Variants in VEGFC observed in about 807,000 individuals in gnomAD.
The protein encoded by VEGFC is vascular endothelial growth factor C.
A neutral mutation model predicts 46.1 loss-of-function variants in VEGFC; 12 were observed. That is an observed-to-expected ratio of 0.26 (90% confidence interval 0.17 to 0.42). The LOEUF (loss-of-function observed/expected upper bound fraction) is 0.42, where lower values mean the gene tolerates loss of function less well. Ranked by LOEUF, VEGFC falls within the 10% of genes least tolerant of loss-of-function variation. VEGFC has a pLI of 1.00. For missense variants in VEGFC, 488 were observed against 529.4 expected (o/e 0.92, Z 0.77); for synonymous variants, 232 against 195.5 (o/e 1.19, Z -1.56).
intron 6 of VEGFC, among the ~76,000 whole-genome samples, chr4:176,686,364 A>T (rs1734041755): frequency 6.6e-6 from 1 of 152,222 alleles, no homozygotes; most frequent in Non-Finnish European, 1.5e-5. Context: ...GCAGCTTTGA[A>T]GAGAACAGAC....
intron 4 of VEGFC, among the ~76,000 whole-genome samples, chr4:176,703,148 A>C (rs1173718399): frequency 6.6e-6 from 1 of 152,122 alleles, no homozygotes; most frequent in Non-Finnish European, 1.5e-5. Context: ...AAATACAAAA[A>C]AATAGTTGTT....
intron 1 of VEGFC, among the ~76,000 whole-genome samples, 179 bp from the exon 2 acceptor site, chr4:176,729,925 T>A (rs1020037818): frequency 7.2e-5 from 11 of 152,200 alleles, no homozygotes; most frequent in Admixed American, 5.2e-4. Flanking sequence ...TTAATTTGTA[T>A]GAACCAAAAC....
At chr4:176,759,580 G>C (rs1328969139) in intron 1 of VEGFC, among the ~76,000 whole-genome samples, 1 of 152,044 alleles carries the variant, frequency 6.6e-6, no homozygotes, top group Non-Finnish European at 1.5e-5. Context: ...AATAATAATA[G>C]AGTAGATTTC....
chr4:176,697,238 G>A (rs1231568693), intron 4 of VEGFC, among the ~76,000 whole-genome samples: 2 of 149,390 alleles, frequency 1.3e-5, no homozygotes, highest in Non-Finnish European at 3.0e-5. Flanking sequence ...CTACTCATCT[G>A]ACAAAGGGCT....
At chr4:176,772,057 A>G (rs1735733273) in intron 1 of VEGFC, among the ~76,000 whole-genome samples, 2 of 152,222 alleles carry the variant, frequency 1.3e-5, no homozygotes, top group Admixed American at 1.3e-4. Context: ...CGGTTTACAC[A>G]TTAAGAAACG....
chr4:176,737,967 A>G (rs540415112), intron 1 of VEGFC, among the ~76,000 whole-genome samples: 3 of 151,996 alleles, frequency 2.0e-5, no homozygotes, highest in Admixed American at 1.3e-4. Flanking sequence ...TGTCCTCTTG[A>G]AAGAATAAGA....
intron 4 of VEGFC, among the ~76,000 whole-genome samples, chr4:176,705,289 A>G (rs1734513791): frequency 6.6e-6 from 1 of 152,166 alleles, no homozygotes; most frequent in South Asian, 2.1e-4. Context: ...GAAAGTCTCT[A>G]CTAAAGGGCC....
chr4:176,685,337 T>C (rs1734020373), intron 6 of VEGFC, among the ~76,000 whole-genome samples: 1 of 152,188 alleles, frequency 6.6e-6, no homozygotes, highest in African/African-American at 2.4e-5. Flanking sequence ...AAAGAATATA[T>C]ACTCTGCCTA....
At chr4:176,711,419 ATTTG>A (rs751935960) in intron 4 of VEGFC, 76 bp downstream of exon 4, 18 of 1,454,174 alleles carry the variant, frequency 1.2e-5, no homozygotes, top group Middle Eastern at 1.8e-4. Context: ...CACAGAGGTT[ATTTG>A]TTTAACTTAT....
At chr4:176,727,218 A>G (rs1320843450) in intron 3 of VEGFC, among the ~76,000 whole-genome samples, 1 of 152,238 alleles carries the variant, frequency 6.6e-6, no homozygotes, top group Admixed American at 6.5e-5. Flanking sequence ...CTTACCATTT[A>G]ATGAGATAAA....
At chr4:176,742,804 T>A (rs1019288582) in intron 1 of VEGFC, among the ~76,000 whole-genome samples, 1 of 152,018 alleles carries the variant, frequency 6.6e-6, no homozygotes, top group Non-Finnish European at 1.5e-5. Context: ...AATTCCCCCA[T>A]GATTGTTGGT....
Position 176,729,623 on chromosome 4 carries a change from G to A in VEGFC, c.271C>T (p.Gln91Ter). ...YKCQLRKGGW[Q>*]HNREQANLNS... The stretch of plus-strand genomic sequence containing the variant: ...AGGTTGGCCTGTTCTCTGTTATGTT[G>A]CCAGCCTCCTTTCCTTAGCTGACAC... Residue 91 changes from glutamine (Q) to a stop codon, truncating the protein, a stop_gained, in exon 2 of 7, where the codon CAA (glutamine) becomes TAA (stop). Transcript: ENST00000618562. LOFTEE classifies it high-confidence loss of function. 1 of 1,613,702 alleles carries A rather than the reference G, an allele frequency of 6.2e-7. No homozygotes were observed. The highest frequency in any genetic ancestry group is 1.7e-5 in the Admixed American group (1 of 59,960).
chr4:176,714,434 C>G (rs1429759101), intron 3 of VEGFC, among the ~76,000 whole-genome samples: 2 of 152,122 alleles, frequency 1.3e-5, no homozygotes, highest in Non-Finnish European at 2.9e-5. Flanking sequence ...CCTGCAGAAC[C>G]ATAAGCCAAT....
intron 3 of VEGFC, among the ~76,000 whole-genome samples, chr4:176,718,695 C>T (rs1260526656): frequency 1.3e-5 from 2 of 152,084 alleles, no homozygotes; most frequent in African/African-American, 4.8e-5. Context: ...CTTCTAGTTC[C>T]TTGAGCTTGA....
intron 3 of VEGFC, among the ~76,000 whole-genome samples, chr4:176,726,416 A>AC (rs1734873890): frequency 6.6e-6 from 1 of 151,740 alleles, no homozygotes; most frequent in East Asian, 1.9e-4. Flanking sequence ...TCACCTTTTA[A>AC]TTTTTTTTAA....
chr4:176,753,933 C>A (rs957309954), intron 1 of VEGFC, among the ~76,000 whole-genome samples: 15 of 152,072 alleles, frequency 9.9e-5, no homozygotes, highest in African/African-American at 3.6e-4. Context: ...ATTGCATGTA[C>A]TATGTTGCAG....
At chr4:176,715,911 T>G (rs1007258308) in intron 3 of VEGFC, among the ~76,000 whole-genome samples, 7 of 152,132 alleles carry the variant, frequency 4.6e-5, no homozygotes, top group African/African-American at 1.2e-4. Context: ...TACTTAGTCT[T>G]GAGAAACAGA....
intron 1 of VEGFC, among the ~76,000 whole-genome samples, chr4:176,751,517 A>C (rs1579122660): frequency 6.6e-6 from 1 of 152,136 alleles, no homozygotes; most frequent in East Asian, 1.9e-4. Flanking sequence ...GCAGCAGCAA[A>C]ATGTTTGAAG....
At chr4:176,752,287 G>A (rs180689272) in intron 1 of VEGFC, among the ~76,000 whole-genome samples, 7 of 152,058 alleles carry the variant, frequency 4.6e-5, no homozygotes, top group Middle Eastern at 3.4e-3. Flanking sequence ...GAAACAGAGG[G>A]CACAATTTAT....
Sources: allele counts gnomAD v4.1 joint callset (sites outside exome capture counted in the v4.1 genomes callset), GRCh38; gene constraint gnomAD v4.1.1; transcripts MANE v1.5; gene names NCBI Gene and HGNC (gene_info 2026-07-23, HGNC 2026-07-21).